C2orf76: variants seen among roughly 807,000 people sequenced by gnomAD.
The protein encoded by C2orf76 is chromosome 2 open reading frame 76, also known as UPF0538 protein C2orf76.
Under a neutral mutation model 16.9 loss-of-function variants are expected in C2orf76, and 23 were observed. The ratio of observed to expected loss-of-function variants is 1.36; its 90% confidence interval spans 0.98 to 1.93. C2orf76 has a LOEUF of 1.93. Among genes scored for constraint, C2orf76 ranks in the 30% most tolerant of loss-of-function variants. The pLI is 0.00. For missense variants in C2orf76, 152 were observed against 152.6 expected, an observed-to-expected ratio of 1.00 and a Z score of 0.02; for synonymous variants, 48 against 52.3, an observed-to-expected ratio of 0.92 and a Z score of 0.35.
At chr2:119,366,475 G>A (rs768758997) in intron 1 of C2orf76, 2 of 471,814 alleles carry the variant, frequency 4.2e-6, no homozygotes, top group South Asian at 3.1e-5. Flanking sequence ...CGCCTTTCGG[G>A]AGACCAGTCC....
chr2:119,366,309 GT>G (rs1680986230), intron 1 of C2orf76: 12 of 408,100 alleles, frequency 2.9e-5, no homozygotes, highest in South Asian at 2.0e-4. Flanking sequence ...TCCCGTCCAA[GT>G]TTGTTAAATC....
At chr2:119,305,950 A>C (rs1370700731) in intron 5 of C2orf76, among the ~76,000 whole-genome samples, 2 of 151,902 alleles carry the variant, frequency 1.3e-5, no homozygotes, top group African/African-American at 4.8e-5. Context: ...AACAAAAAAA[A>C]AAAAAAACAA....
the C2orf76 span, among the ~76,000 whole-genome samples, chr2:119,293,016 C>T: frequency 2.0e-5 from 3 of 152,192 alleles, no homozygotes; most frequent in South Asian, 6.2e-4. Flanking sequence ...GCCTGGGCGA[C>T]ACAATGAGAC....
At chr2:119,321,824 A>T (rs1679352376) in intron 2 of C2orf76, among the ~76,000 whole-genome samples, 1 of 150,168 alleles carries the variant, frequency 6.7e-6, no homozygotes, top group Admixed American at 6.7e-5. Flanking sequence ...ATGTATAGTT[A>T]AAATATATAC....
chr2:119,347,284 G>A (rs7598576), intron 1 of C2orf76, among the ~76,000 whole-genome samples: 68,263 of 151,954 alleles, frequency 0.45, 15,593 homozygotes, highest in Non-Finnish European at 0.49. Flanking sequence ...AAAATGACTC[G>A]ATTTCTTCAA....
At chr2:119,338,440 G>C (rs1398975531) in intron 2 of C2orf76, among the ~76,000 whole-genome samples, 4 of 152,200 alleles carry the variant, frequency 2.6e-5, no homozygotes, top group Non-Finnish European at 5.9e-5. Context: ...GTCACCCTGA[G>C]AGATTTAGAG....
chr2:119,302,371 C>A lies in C2orf76; in HGVS notation c.*101G>T. The A allele has an allele frequency of 5.5e-6, 3 of 549,590 alleles. No individual in the cohort carries two copies. Among genetic ancestry groups the A allele is most frequent in the South Asian group, 3.1e-5 (1 of 32,384 alleles). The allele number at this position is 549,590 out of a possible 1,614,324, so 34.0% of individuals were successfully genotyped here. A position where few individuals can be genotyped will look rare whatever the true frequency, so the allele number is the denominator to read the frequency against. Reference sequence around the variant, plus strand: ...CAGATTTTAGCTCAAAGAGTATAGCCTGGGATTAATTTTTTAAGATTTGTT... The same window carrying A: ...CAGATTTTAGCTCAAAGAGTATAGCATGGGATTAATTTTTTAAGATTTGTT... On this transcript the variant is annotated 3_prime_UTR_variant, in exon 6 of 6. Transcript: ENST00000334816.
intron 2 of C2orf76, chr2:119,338,808 GA>G (rs770919112): frequency 3.9e-5 from 6 of 152,244 alleles, no homozygotes; most frequent in Non-Finnish European, 2.9e-5. Flanking sequence ...GATCTGAAGG[GA>G]TGTGTAGGGC....
Position 119,366,810 on chromosome 2 carries a change from G to A in C2orf76, c.-33C>T, listed in dbSNP as rs759066498. 1.9e-5 allele frequency: 11 copies of A among 581,180 alleles called. 1 individual carries two copies. The highest frequency in any genetic ancestry group is 1.7e-4 in the South Asian group (8 of 46,908). 36.0% of individuals were successfully genotyped at this position (581,180 alleles called of 1,614,324 possible). A position where few individuals can be genotyped will look rare whatever the true frequency, so the allele number is the denominator to read the frequency against. Reference sequence around the variant, plus strand: ...CCCACCTGTTCCCGGCGTCCCCTTCGGCTACTCCCGGCGTTTGCGCAAGCG... The same window carrying A: ...CCCACCTGTTCCCGGCGTCCCCTTCAGCTACTCCCGGCGTTTGCGCAAGCG... On this transcript the variant is annotated 5_prime_UTR_variant, in exon 1 of 6. Transcript: ENST00000334816.
intron 2 of C2orf76, among the ~76,000 whole-genome samples, chr2:119,323,362 C>T (rs752293088): frequency 2.0e-4 from 30 of 152,026 alleles, no homozygotes; most frequent in Non-Finnish European, 4.3e-4. Context: ...AGATCAAATA[C>T]GTATCAAATT....
At chr2:119,292,181 C>A in the C2orf76 span, among the ~76,000 whole-genome samples, 1 of 152,138 alleles carries the variant, frequency 6.6e-6, no homozygotes, top group African/African-American at 2.4e-5. Context: ...ACTTTTAAAA[C>A]AAGCAACTTT....
intron 1 of C2orf76, among the ~76,000 whole-genome samples, chr2:119,342,921 C>T (rs1680080971): frequency 6.6e-6 from 1 of 152,098 alleles, no homozygotes; most frequent in South Asian, 2.1e-4. Context: ...AGGTACGCGC[C>T]ACCAGGCCCG....
At chr2:119,348,046 C>CAAAAAAAAAAAAAAAAAAAAAAAAAA (rs1205382710) in intron 1 of C2orf76, among the ~76,000 whole-genome samples, 2 of 81,988 alleles carry the variant, frequency 2.4e-5, no homozygotes, top group South Asian at 4.3e-4. Flanking sequence ...GGCTCTGTCT[C>CAAAAAAAAAAAAAAAAAAAAAAAAAA]AAAAAAAAAA....
At chr2:119,361,444 A>C (rs1354124843) in intron 1 of C2orf76, among the ~76,000 whole-genome samples, 1 of 152,234 alleles carries the variant, frequency 6.6e-6, no homozygotes, top group Admixed American at 6.5e-5. Context: ...AACCAACTTC[A>C]GGTGAAAATA....
intron 5 of C2orf76, 86 bp from the exon 6 acceptor site, chr2:119,302,634 G>T: frequency 2.7e-6 from 2 of 747,312 alleles, no homozygotes; most frequent in Non-Finnish European, 4.0e-6. Context: ...ACTTTGATTC[G>T]GTATTTCAGA....
At chr2:119,321,319 G>A (rs1679334465) in intron 2 of C2orf76, 115 bp from the exon 3 acceptor site, 3 of 619,740 alleles carry the variant, frequency 4.8e-6, no homozygotes, top group African/African-American at 2.0e-5. Context: ...TGAAAAACCT[G>A]ACAGAACACA....
rs532860388 is a variant in C2orf76 at position 119,343,229 on chromosome 2, C to T, written c.-12-3258G>A. The stretch of plus-strand genomic sequence containing the variant: ...ATTAAATCTGGCTTACAATGCTTCT[C>T]AGAAAATCGTATCCCAGAATCTACC... On this transcript the variant is annotated intron_variant, in intron 1 of 5. Coordinates refer to ENST00000334816, the MANE Select transcript of C2orf76 (RefSeq NM_001322331.2). 1.1e-3 allele frequency among the ~76,000 whole-genome samples: 164 copies of T among 152,272 alleles called. 1 individual carries two copies. Among genetic ancestry groups the T allele is most frequent in the Middle Eastern group, 3.4e-3 (1 of 294 alleles).
intron 1 of C2orf76, among the ~76,000 whole-genome samples, chr2:119,362,002 C>T (rs538452098): frequency 5.3e-5 from 8 of 152,212 alleles, no homozygotes; most frequent in Non-Finnish European, 1.2e-4. Context: ...AATACAGTGG[C>T]GTTTTGAACA....
At chr2:119,310,600 A>C (rs888209191) in intron 5 of C2orf76, among the ~76,000 whole-genome samples, 1 of 152,226 alleles carries the variant, frequency 6.6e-6, no homozygotes, top group Non-Finnish European at 1.5e-5. Flanking sequence ...CGTGTTCCTT[A>C]ACAAGTGCAT....
Sources: allele counts gnomAD v4.1 joint callset (sites outside exome capture counted in the v4.1 genomes callset), GRCh38; gene constraint gnomAD v4.1.1; transcripts MANE v1.5; gene names NCBI Gene and HGNC (gene_info 2026-07-23, HGNC 2026-07-21).